MAPKAPK5: variants seen among roughly 807,000 people sequenced by gnomAD.
MAPKAPK5 encodes MAPK activated protein kinase 5, also known as MAP kinase-activated protein kinase 5.
In MAPKAPK5, 30 loss-of-function variants were observed where a neutral mutation model predicts 65.1. The observed-to-expected ratio is 0.46, with a 90% CI of 0.34 to 0.63. The LOEUF (loss-of-function observed/expected upper bound fraction) is 0.63, where lower values mean the gene tolerates loss of function less well. Among genes scored for constraint, MAPKAPK5 ranks in the 20% least tolerant of loss-of-function variants. MAPKAPK5 has a pLI of 0.01. For missense variants in MAPKAPK5, 433 were observed against 581.4 expected, an observed-to-expected ratio of 0.74 and a Z score of 2.63; for synonymous variants, 179 against 204.6, an observed-to-expected ratio of 0.87 and a Z score of 1.07.
Position 111,897,646 on chromosome 12 carries a change from C to G in MAPKAPK5, c.*4585C>G, listed in dbSNP as rs969158469. On this transcript the variant is annotated 3_prime_UTR_variant, in exon 14 of 14. Coordinates refer to ENST00000550735, the MANE Select transcript of MAPKAPK5 (RefSeq NM_003668.4). ...AATCACAAGAAATACAGCTGGAAAT[C>G]ATTTCACTTTTCTTGCTGTAAATTT... 6.6e-6 allele frequency: 1 copy of G among 152,158 alleles called. No individual in the cohort carries two copies. Among genetic ancestry groups the G allele is most frequent in the African/African-American group, 2.4e-5 (1 of 41,442 alleles). The allele number at this position is 152,158 out of a possible 1,614,324, so 9.4% of individuals were successfully genotyped here.
intron 1 of MAPKAPK5, 138 bp from the exon 2 acceptor site, chr12:111,865,112 G>A: frequency 1.7e-6 from 1 of 598,228 alleles, no homozygotes; most frequent in Non-Finnish European, 3.0e-6. Context: ...AAGCCCTGTA[G>A]AACACAAAGT....
intron 1 of MAPKAPK5, among the ~76,000 whole-genome samples, chr12:111,864,744 A>G (rs777720094): frequency 5.9e-5 from 9 of 152,190 alleles, no homozygotes; most frequent in Non-Finnish European, 1.3e-4. Context: ...GATGTTTACT[A>G]TGATATTGAT....
intron 1 of MAPKAPK5, among the ~76,000 whole-genome samples, chr12:111,852,676 C>T (rs995888015): frequency 3.3e-5 from 5 of 152,170 alleles, no homozygotes; most frequent in African/African-American, 4.8e-5. Context: ...TATCTATTAA[C>T]GTAGTAGAGC....
In MAPKAPK5 at chr12:111,883,204, C is replaced by A. The variant is rs2070294822; in HGVS notation, c.661-377C>A. On this transcript the variant is annotated intron_variant, in intron 8 of 13. Transcript: ENST00000550735. The surrounding 1 kb of genome is among the most constrained non-coding windows in gnomAD (Gnocchi z 4.8). The stretch of plus-strand genomic sequence containing the variant: ...TGACCAACATGGTGAAAGCCTATCT[C>A]TACTAAAAAAAAAATACAAAAATTA... 1.3e-5 allele frequency among the ~76,000 whole-genome samples: 2 copies of A among 151,750 alleles called. No homozygotes were observed. The highest frequency in any genetic ancestry group is 4.8e-5 in the African/African-American group (2 of 41,282).
At chr12:111,853,416 T>A (rs2069145865) in intron 1 of MAPKAPK5, among the ~76,000 whole-genome samples, 1 of 152,090 alleles carries the variant, frequency 6.6e-6, no homozygotes, top group African/African-American at 2.4e-5. Context: ...CATTTTTGGA[T>A]TGTTTGTCAC....
At chr12:111,850,899 C>CTT (rs1028992831) in intron 1 of MAPKAPK5, among the ~76,000 whole-genome samples, 2,112 of 126,030 alleles carry the variant, frequency 0.017, 67 homozygotes, top group African/African-American at 0.059. Flanking sequence ...AACCCATTTT[C>CTT]TTTTTTTTTT....
intron 5 of MAPKAPK5, among the ~76,000 whole-genome samples, chr12:111,869,518 C>T (rs2069714577): frequency 6.6e-6 from 1 of 152,292 alleles, no homozygotes; most frequent in East Asian, 1.9e-4. Context: ...AAGCACAGCC[C>T]AATTGCTTCT....
chr12:111,848,474 C>A (rs1400560451), intron 1 of MAPKAPK5, among the ~76,000 whole-genome samples: 1 of 146,332 alleles, frequency 6.8e-6, no homozygotes, highest in Non-Finnish European at 1.5e-5. Flanking sequence ...AGCACAGTGG[C>A]ACGATCTCGG....
intron 1 of MAPKAPK5, among the ~76,000 whole-genome samples, chr12:111,845,135 T>G (rs2068866091): frequency 6.6e-6 from 1 of 151,918 alleles, no homozygotes; most frequent in Non-Finnish European, 1.5e-5. Flanking sequence ...CACCCTATGT[T>G]TTTTTTTGAT....
chr12:111,877,501 C>A (rs899953541), intron 7 of MAPKAPK5, among the ~76,000 whole-genome samples: 2 of 152,090 alleles, frequency 1.3e-5, no homozygotes, highest in African/African-American at 4.8e-5. Context: ...AATTTGCATT[C>A]CCTAATGAGT....
intron 13 of MAPKAPK5, among the ~76,000 whole-genome samples, chr12:111,892,125 C>T (rs534384088): frequency 6.6e-6 from 1 of 152,280 alleles, no homozygotes; most frequent in African/African-American, 2.4e-5. Context: ...TTGTGACATC[C>T]ATCCATGTTG....
chr12:111,891,668 A>G (rs1423587818), intron 13 of MAPKAPK5, among the ~76,000 whole-genome samples: 13 of 149,664 alleles, frequency 8.7e-5, no homozygotes, highest in African/African-American at 2.5e-4. Context: ...TTAGCCGGGC[A>G]TGGTGGCATG....
chr12:111,859,186 C>A (rs1311520703), intron 1 of MAPKAPK5, among the ~76,000 whole-genome samples: 1 of 147,890 alleles, frequency 6.8e-6, no homozygotes, highest in Non-Finnish European at 1.5e-5. Context: ...CTGAGTTTTC[C>A]CCCCTGTGGC....
At chr12:111,867,052 C>A (rs955218444) in intron 3 of MAPKAPK5, among the ~76,000 whole-genome samples, 1 of 152,172 alleles carries the variant, frequency 6.6e-6, no homozygotes, top group Non-Finnish European at 1.5e-5. Flanking sequence ...ACCTCAGCCT[C>A]CTGAGTAGCT....
intron 1 of MAPKAPK5, among the ~76,000 whole-genome samples, chr12:111,856,964 ATTT>A (rs2069261412): frequency 1.3e-5 from 2 of 152,050 alleles, no homozygotes; most frequent in South Asian, 4.1e-4. Context: ...CTGGATATGT[ATTT>A]TTGAAATGCT....
chr12:111,887,995 A>G, intron 10 of MAPKAPK5: 1 of 160,972 alleles, frequency 6.2e-6, no homozygotes, highest in Admixed American at 5.8e-5. Context: ...CCAGAGTTCC[A>G]GACTCCATGA....
rs1345327834 is a variant in MAPKAPK5, at chr12:111,901,041, A to G, written c.*7980A>G. 2.2e-6 allele frequency: 1 copy of G among 456,056 alleles called. No homozygotes were observed. Among genetic ancestry groups the G allele is most frequent in the Non-Finnish European group, 4.4e-6 (1 of 226,800 alleles). 28.3% of individuals were successfully genotyped at this position (456,056 alleles called of 1,614,324 possible). On this transcript the variant is annotated 3_prime_UTR_variant, in exon 14 of 14. Coordinates refer to ENST00000550735, the MANE Select transcript of MAPKAPK5 (RefSeq NM_003668.4). ...TGGTAATATATTTTGTGGGAAACTT[A>G]TATGTTCAGGTATTACAGGCTTACC... is the stretch of plus-strand genomic sequence containing the variant.
At chr12:111,848,388 G>C (rs1228764385) in intron 1 of MAPKAPK5, among the ~76,000 whole-genome samples, 1 of 151,614 alleles carries the variant, frequency 6.6e-6, no homozygotes, top group African/African-American at 2.4e-5. Flanking sequence ...TTCTGGTGAA[G>C]GGTCTGTTCC....
intron 13 of MAPKAPK5, among the ~76,000 whole-genome samples, chr12:111,890,719 G>C (rs945132472): frequency 6.6e-6 from 1 of 152,196 alleles, no homozygotes; most frequent in Non-Finnish European, 1.5e-5. Flanking sequence ...GTGCAGTGGC[G>C]CAATCTTTGC....
Sources: allele counts gnomAD v4.1 joint callset (sites outside exome capture counted in the v4.1 genomes callset), GRCh38; gene constraint gnomAD v4.1.1; non-coding constraint Gnocchi (gnomAD v3.1); transcripts MANE v1.5; gene names NCBI Gene and HGNC (gene_info 2026-07-23, HGNC 2026-07-21).